The following ANKRD44 variants were observed in gnomAD, a reference collection of about 807,000 sequenced individuals.
The protein encoded by ANKRD44 is ankyrin repeat domain 44, also known as serine/threonine-protein phosphatase 6 regulatory ankyrin repeat subunit B.
In ANKRD44, 35 loss-of-function variants were observed where a neutral mutation model predicts 116.0. The ratio of observed to expected loss-of-function variants is 0.30; its 90% CI spans 0.23 to 0.40. The LOEUF is 0.40. Ranked by LOEUF, ANKRD44 falls within the 10% of genes least tolerant of loss-of-function variation. The pLI is 1.00. For synonymous variants in ANKRD44, 435 were observed against 461.8 expected, an observed-to-expected ratio of 0.94 and a Z score of 0.74; for missense variants, 1,014 against 1,242.6, an observed-to-expected ratio of 0.82 and a Z score of 2.77.
intron 1 of ANKRD44, among the ~76,000 whole-genome samples, chr2:197,278,726 A>G (rs2083176169): frequency 6.6e-6 from 1 of 152,194 alleles, no homozygotes; most frequent in African/African-American, 2.4e-5. Flanking sequence ...CAGTAAGACC[A>G]AAAGACCTCC....
At chr2:197,084,858 G>T (rs904875002) in intron 13 of ANKRD44, among the ~76,000 whole-genome samples, 1 of 151,952 alleles carries the variant, frequency 6.6e-6, no homozygotes, top group Non-Finnish European at 1.5e-5. Context: ...AAAGATAAAG[G>T]CTGTAAGGTC....
At chr2:196,969,116 T>C (rs2125857299) in intron 21 of ANKRD44, among the ~76,000 whole-genome samples, 1 of 152,338 alleles carries the variant, frequency 6.6e-6, no homozygotes, top group Non-Finnish European at 1.5e-5. Flanking sequence ...AACAGATACA[T>C]GTAACCTAAA....
chr2:197,309,953 A>G (rs1234834452), intron 1 of ANKRD44, among the ~76,000 whole-genome samples: 1 of 152,130 alleles, frequency 6.6e-6, no homozygotes, highest in Non-Finnish European at 1.5e-5. Context: ...ACCGCCTGTG[A>G]GTGGAGGCTC....
At chr2:197,111,648 A>AAG (rs1404647014) in intron 8 of ANKRD44, among the ~76,000 whole-genome samples, 1 of 151,522 alleles carries the variant, frequency 6.6e-6, no homozygotes, top group East Asian at 1.9e-4. Context: ...CAAAAAAAAA[A>AAG]AAGAAAAGAA....
intron 1 of ANKRD44, among the ~76,000 whole-genome samples, chr2:197,220,496 A>C (rs748857174): frequency 9.8e-5 from 15 of 152,338 alleles, no homozygotes; most frequent in Non-Finnish European, 2.1e-4. Context: ...AAGGAAATGC[A>C]ACAGAGAGTT....
chr2:197,207,729 G>C (rs1045276568), intron 1 of ANKRD44, among the ~76,000 whole-genome samples: 1 of 152,054 alleles, frequency 6.6e-6, no homozygotes, highest in African/African-American at 2.4e-5. Flanking sequence ...GTAGCACTGA[G>C]TCAAAATCTG....
intron 2 of ANKRD44, chr2:197,147,791 G>T (rs2079543463): frequency 2.3e-6 from 1 of 431,480 alleles, no homozygotes; most frequent in Admixed American, 2.6e-5. Flanking sequence ...ACACCGTATG[G>T]GATTAAGTGA....
At chr2:197,298,043 A>C (rs2083776061) in intron 1 of ANKRD44, among the ~76,000 whole-genome samples, 1 of 152,224 alleles carries the variant, frequency 6.6e-6, no homozygotes, top group African/African-American at 2.4e-5. Flanking sequence ...AGATTTTTAC[A>C]CTTGTAGAAA....
intron 1 of ANKRD44, among the ~76,000 whole-genome samples, chr2:197,289,860 T>TG (rs2083511269): frequency 6.6e-6 from 1 of 152,026 alleles, no homozygotes; most frequent in Non-Finnish European, 1.5e-5. Context: ...ATCCACAATA[T>TG]GGTCAATTTT....
At chr2:197,104,912 G>C (rs889646170) in intron 9 of ANKRD44, among the ~76,000 whole-genome samples, 1 of 152,170 alleles carries the variant, frequency 6.6e-6, no homozygotes, top group Non-Finnish European at 1.5e-5. Flanking sequence ...AGACTTCTGT[G>C]TGTAGAATTT....
At chr2:197,097,477 T>C (rs1056447701) in intron 10 of ANKRD44, among the ~76,000 whole-genome samples, 2 of 147,940 alleles carry the variant, frequency 1.4e-5, no homozygotes, top group African/African-American at 2.5e-5. Context: ...TGTAGAGCTC[T>C]TTCCACAAAA....
intron 21 of ANKRD44, among the ~76,000 whole-genome samples, chr2:196,978,650 T>C (rs143492185): frequency 6.6e-6 from 1 of 152,310 alleles, no homozygotes; most frequent in Non-Finnish European, 1.5e-5. Flanking sequence ...ACAGTTTTTC[T>C]TTCTGGGGTG....
At chr2:197,006,578 A>C (rs572270985) in intron 20 of ANKRD44, among the ~76,000 whole-genome samples, 1 of 152,332 alleles carries the variant, frequency 6.6e-6, no homozygotes, top group South Asian at 2.1e-4. Context: ...TCACCTATAT[A>C]TAAGAATAGT....
At chr2:197,205,523 A>G (rs1440296696) in intron 1 of ANKRD44, among the ~76,000 whole-genome samples, 1 of 152,206 alleles carries the variant, frequency 6.6e-6, no homozygotes, top group African/African-American at 2.4e-5. Context: ...GGATGGCCCA[A>G]GGTGACTGCC....
At chr2:197,245,776 G>A (rs1217335589) in intron 1 of ANKRD44, among the ~76,000 whole-genome samples, 1 of 152,166 alleles carries the variant, frequency 6.6e-6, no homozygotes, top group Non-Finnish European at 1.5e-5. Flanking sequence ...AAAATTAGAA[G>A]GCCAGGAAAG....
intron 11 of ANKRD44, 171 bp from the exon 12 acceptor site, chr2:197,088,945 G>A (rs2077984443): frequency 7.5e-6 from 4 of 535,792 alleles, no homozygotes; most frequent in Admixed American, 3.9e-5. Flanking sequence ...AACTGCTCAA[G>A]CTTGGCAATT....
intron 10 of ANKRD44, among the ~76,000 whole-genome samples, chr2:197,091,547 C>T (rs1229022816): frequency 6.6e-6 from 1 of 152,142 alleles, no homozygotes; most frequent in East Asian, 1.9e-4. Flanking sequence ...TTTGTAGAGA[C>T]AGGGTTTTGC....
At chr2:197,096,076 C>T (rs890198537) in intron 10 of ANKRD44, among the ~76,000 whole-genome samples, 1 of 152,202 alleles carries the variant, frequency 6.6e-6, no homozygotes, top group Admixed American at 6.5e-5. Context: ...TAAACCTTTA[C>T]ATCTTGCTTC....
chr2:197,140,113 C>G (rs2079324176), intron 3 of ANKRD44, among the ~76,000 whole-genome samples: 1 of 136,390 alleles, frequency 7.3e-6, no homozygotes, highest in African/African-American at 3.2e-5. Flanking sequence ...AACTCCTGAC[C>G]TCAGGTGATC....
Sources: gnomAD v4.1 joint callset for allele counts (sites outside exome capture counted in the v4.1 genomes callset) on GRCh38, gnomAD v4.1.1 for gene constraint, MANE v1.5 for transcripts, NCBI Gene and HGNC (gene_info 2026-07-23, HGNC 2026-07-21) for gene names.